The following VPS13D variants were observed in gnomAD, a reference collection of about 807,000 sequenced individuals.
VPS13D encodes the protein vacuolar protein sorting 13 homolog D, also known as intermembrane lipid transfer protein VPS13D.
A neutral mutation model predicts 461.9 loss-of-function variants in VPS13D; 187 were observed. That is an observed-to-expected ratio of 0.40 (90% confidence interval 0.36 to 0.46). The LOEUF is 0.46. VPS13D is among the 20% of genes least tolerant of loss of function. The pLI is 0.60. For synonymous variants in VPS13D, 1,951 were observed against 1,986.3 expected (o/e 0.98, Z 0.47); for missense variants, 4,711 against 5,364.9 (o/e 0.88, Z 3.81).
At chr1:12,289,990 C>G (rs1220980545) in intron 22 of VPS13D, among the ~76,000 whole-genome samples, 1 of 152,010 alleles carries the variant, frequency 6.6e-6, no homozygotes, top group Non-Finnish European at 1.5e-5. Flanking sequence ...AACTAGCATG[C>G]CAAATATACC....
At chr1:12,467,316 C>T (rs570397065) in intron 67 of VPS13D, among the ~76,000 whole-genome samples, 7 of 152,306 alleles carry the variant, frequency 4.6e-5, no homozygotes, top group East Asian at 3.9e-4. Flanking sequence ...GGATGGCAGG[C>T]GCACGCCACC....
chr1:12,287,813 G>A (rs993879418), intron 21 of VPS13D, among the ~76,000 whole-genome samples: 6 of 151,978 alleles, frequency 3.9e-5, no homozygotes, highest in African/African-American at 1.2e-4. Flanking sequence ...TTGTTCAGAG[G>A]CAGTAAATGG....
At chr1:12,322,462 T>G in intron 33 of VPS13D, 74 bp from the exon 34 acceptor site, 1 of 1,431,954 alleles carries the variant, frequency 7.0e-7, no homozygotes, top group Non-Finnish European at 9.7e-7. Context: ...GAAATAGGAA[T>G]TACATCTGTA....
Position 12,368,455 on chromosome 1 carries a change from C to T in VPS13D, c.10449-13C>T. On this transcript the variant is annotated splice_polypyrimidine_tract_variant and intron_variant, in intron 52 of 69. Transcript: ENST00000620676. ...ACATTTTATGTAGCCTCTTTTGTTTCCTTGTCCTGCAGGGATACCTTGGGA... is the reference window on the plus strand; with the variant it reads ...ACATTTTATGTAGCCTCTTTTGTTTTCTTGTCCTGCAGGGATACCTTGGGA... 2 of 1,596,480 alleles carry T rather than the reference C, an allele frequency of 1.3e-6. No individual in the cohort carries two copies. Among genetic ancestry groups the T allele is most frequent in the East Asian group, 2.2e-5 (1 of 44,604 alleles).
Position 12,321,052 on chromosome 1 carries a change from C to T in VPS13D, c.7549-757C>T, listed in dbSNP as rs1010606931. 4.6e-5 allele frequency among the ~76,000 whole-genome samples: 7 copies of T among 152,100 alleles called. No homozygotes were observed. In the South Asian group the frequency reaches 6.2e-4, roughly 13 times the overall value. ...ACCCAAATGATTGGTCTTTTCTTTC[C>T]GCTGTGCTCTTCCTGAGCATGCAAA... On this transcript the variant is annotated intron_variant, in intron 32 of 69. Transcript: ENST00000620676.
At position 12,256,398 on chromosome 1, in the gene VPS13D, T is replaced by G; in HGVS notation, c.735T>G (p.Ser245=). 4.3e-6 allele frequency: 7 copies of G among 1,614,162 alleles called. No individual in the cohort carries two copies. The highest frequency in any genetic ancestry group is 5.9e-6 in the Non-Finnish European group (7 of 1,180,036). ...ACGTCCTGGAGCCTGTGTTTGCATC[T>G]GCTCTTTTGAAGAGAAACTGCTCCA... is the stretch of plus-strand genomic sequence containing the variant. ...HHYVLEPVFA[S]ALLKRNCSKK... Residue 245 remains serine (S), a synonymous_variant, in exon 8 of 70, where the codon TCT becomes TCG. Coordinates refer to ENST00000620676, the MANE Select transcript of VPS13D (RefSeq NM_015378.4).
In VPS13D at chr1:12,482,451, G is replaced by C. The variant is rs181926039; in HGVS notation, c.12663-15049G>C. On this transcript the variant is annotated intron_variant, in intron 67 of 69. Transcript: ENST00000620676. ...TGGCATTTGTGCCTGAATGCTCTCT[G>C]TATCATCTTTTTTAAAACATAGTTT... Among the ~76,000 whole-genome samples the C allele has an allele frequency of 1.7e-4, 26 of 152,308 alleles. 1 individual carries two copies. The East Asian group carries it at 4.0e-3, about 24-fold the overall frequency.
rs778751411 is a variant in VPS13D, at chr1:12,314,173, A to G, written c.6994A>G (p.Ile2332Val). 1.4e-4 allele frequency: 223 copies of G among 1,614,088 alleles called. 1 individual carries two copies. The East Asian group carries it at 4.9e-3, about 36-fold the overall frequency. The change falls in exon 30 of 70, where the codon ATT (isoleucine) becomes GTT (valine). Residue 2332 changes from isoleucine to valine, a missense_variant. Coordinates refer to ENST00000620676, the MANE Select transcript of VPS13D (RefSeq NM_015378.4). The stretch of plus-strand genomic sequence containing the variant: ...AAGTTTTTCCAACCAAACCAAGTCC[A>G]TTAACTTGGTTTCCCATTCCATGAT... ...YESFSNQTKS[I>V]NLVSHSMMAF...
At chr1:12,338,206 T>C (rs1182970867) in intron 39 of VPS13D, 25 bp from the exon 40 acceptor site, 1 of 1,595,362 alleles carries the variant, frequency 6.3e-7, no homozygotes, top group Non-Finnish European at 8.6e-7. Flanking sequence ...TCTTAGCCTC[T>C]AACTTTGTCT....
chr1:12,368,432 A>G lies in VPS13D; in HGVS notation c.10449-36A>G, dbSNP rs554139343. ...AAGTGGATGGCATCTTGTCTCCTAC[A>G]TTTTATGTAGCCTCTTTTGTTTCCT... On this transcript the variant is annotated intron_variant, in intron 52 of 69. Coordinates refer to ENST00000620676, the MANE Select transcript of VPS13D (RefSeq NM_015378.4). 5 of 1,575,382 alleles carry G rather than the reference A, an allele frequency of 3.2e-6. No individual in the cohort carries two copies. In the East Asian group the frequency reaches 1.1e-4, roughly 36 times the overall value.
At chr1:12,323,807 G>A (rs751040987) in intron 35 of VPS13D, 27 bp downstream of exon 35, 15 of 1,607,826 alleles carry the variant, frequency 9.3e-6, no homozygotes, top group Middle Eastern at 3.3e-4. Flanking sequence ...TCTGTTACCC[G>A]TTGTTTATCT....
chr1:12,414,099 C>T (rs902992271), intron 63 of VPS13D, among the ~76,000 whole-genome samples: 1 of 152,124 alleles, frequency 6.6e-6, no homozygotes, highest in Middle Eastern at 3.2e-3. Context: ...GCCTGGGCAA[C>T]ATGGTGAAAA....
rs762931619 is a variant in VPS13D at position 12,373,803 on chromosome 1, C to T, written c.10862C>T (p.Ala3621Val). ...PVASNKAITC[A>V]ELVLDVSPKT... ...GCTTCCAACAAGGCCATTACCTGTG[C>T]GGAGCTCGTTTTGGATGTCTCACCC... The change falls in exon 55 of 70, where the codon GCG becomes GTG. Residue 3621 changes from alanine (A) to valine (V), a missense_variant. By Grantham distance (64) the Ala-to-Val change is moderately conservative (BLOSUM62 0). Transcript: ENST00000620676. The T allele has an allele frequency of 5.0e-6, 8 of 1,604,088 alleles. No homozygotes were observed. The highest frequency in any genetic ancestry group is 1.7e-4 in the Middle Eastern group (1 of 6,016).
At chr1:12,459,340 C>T (rs1645372872) in intron 66 of VPS13D, among the ~76,000 whole-genome samples, 1 of 152,138 alleles carries the variant, frequency 6.6e-6, no homozygotes, top group African/African-American at 2.4e-5. Flanking sequence ...TATATGCAAA[C>T]ACCTACAGCA....
At chr1:12,408,235 G>C (rs1288250992) in intron 63 of VPS13D, among the ~76,000 whole-genome samples, 1 of 152,140 alleles carries the variant, frequency 6.6e-6, no homozygotes, top group Admixed American at 6.5e-5. Context: ...TTGTGAAAAT[G>C]CACATATTCA....
At chr1:12,506,407 G>A (rs957244254) in intron 68 of VPS13D, among the ~76,000 whole-genome samples, 55 of 152,228 alleles carry the variant, frequency 3.6e-4, no homozygotes, top group Non-Finnish European at 2.9e-5. Context: ...TAGAGAGGGA[G>A]GAAGCGGATG....
At chr1:12,485,712 G>A (rs1205462531) in intron 67 of VPS13D, among the ~76,000 whole-genome samples, 2 of 152,302 alleles carry the variant, frequency 1.3e-5, no homozygotes, top group South Asian at 2.1e-4. Flanking sequence ...CCAGTAGTGT[G>A]GAATGTTGTT....
rs1646117460 is a variant in VPS13D, at chr1:12,506,916, C to T, written c.12858C>T (p.Phe4286=). Residue 4286 remains phenylalanine (F), a synonymous_variant, in exon 69 of 70, where the codon TTC becomes TTT. Coordinates refer to ENST00000620676, the MANE Select transcript of VPS13D (RefSeq NM_015378.4). The part of the protein sequence containing the change: ...CVLISSKAVY[F]LKSGDYVDRE... ...TCATCTCCTCCAAAGCTGTTTACTT[C>T]CTGAAAAGTGGAGACTACGTGGATC... is the stretch of plus-strand genomic sequence containing the variant. The T allele has an allele frequency of 6.2e-7, 1 of 1,614,258 alleles. No individual in the cohort carries two copies. The highest frequency in any genetic ancestry group is 8.5e-7 in the Non-Finnish European group (1 of 1,180,052).
intron 31 of VPS13D, among the ~76,000 whole-genome samples, chr1:12,318,907 A>G (rs1642959132): frequency 6.6e-6 from 1 of 152,192 alleles, no homozygotes; most frequent in South Asian, 2.1e-4. Context: ...TGGCTAGCAC[A>G]ATGCGTTTTA....
Sources: allele counts gnomAD v4.1 joint callset (sites outside exome capture counted in the v4.1 genomes callset), GRCh38; gene constraint gnomAD v4.1.1; transcripts MANE v1.5; gene names NCBI Gene and HGNC (gene_info 2026-07-23, HGNC 2026-07-21).